The following LGSN variants were observed in gnomAD, a reference collection of about 807,000 sequenced individuals.
LGSN encodes lengsin.
In LGSN, 21 loss-of-function variants were observed where a neutral mutation model predicts 19.5. That is an observed-to-expected ratio of 1.07 (90% CI 0.76 to 1.55). LGSN has a LOEUF of 1.55. Among genes scored for constraint, LGSN ranks in the 40% most tolerant of loss-of-function variants. The pLI is 0.00. For synonymous variants in LGSN, 257 were observed against 215.6 expected, an observed-to-expected ratio of 1.19 and a Z score of -1.68; for missense variants, 673 against 608.5, an observed-to-expected ratio of 1.11 and a Z score of -1.12.
chr6:63,338,149 G>C, the LGSN span, among the ~76,000 whole-genome samples: 4 of 152,114 alleles, frequency 2.6e-5, no homozygotes, highest in Admixed American at 6.5e-5. Flanking sequence ...GTCTCCCAAA[G>C]TTCTGGGATT....
chr6:63,402,803 A>T, the LGSN span, among the ~76,000 whole-genome samples: 3 of 151,472 alleles, frequency 2.0e-5, no homozygotes, highest in African/African-American at 7.3e-5. Flanking sequence ...TTTTTTTAAG[A>T]TGAGATTAAC....
intron 1 of LGSN, among the ~76,000 whole-genome samples, chr6:63,298,487 G>A (rs1768063863): frequency 6.6e-6 from 1 of 152,054 alleles, no homozygotes; most frequent in African/African-American, 2.4e-5. Flanking sequence ...AAATTCACCA[G>A]GATTTTGTGT....
At chr6:63,470,552 A>T in the LGSN span, among the ~76,000 whole-genome samples, 387 of 151,658 alleles carry the variant, frequency 2.6e-3, no homozygotes, top group African/African-American at 8.7e-3. Context: ...TATATTTTTT[A>T]TTTTAACCTG....
At chr6:63,434,957 T>A in the LGSN span, among the ~76,000 whole-genome samples, 30 of 152,196 alleles carry the variant, frequency 2.0e-4, no homozygotes, top group African/African-American at 7.0e-4. Context: ...CCAAAGAAAC[T>A]TTTCTCCTTA....
At chr6:63,573,387 C>T in the LGSN span, 1 of 152,422 alleles carries the variant, frequency 6.6e-6, no homozygotes, top group African/African-American at 2.4e-5. Flanking sequence ...GGGACAGCCA[C>T]TGGGTGCAGC....
At chr6:63,509,596 T>A in the LGSN span, among the ~76,000 whole-genome samples, 2 of 152,326 alleles carry the variant, frequency 1.3e-5, no homozygotes, top group South Asian at 2.1e-4. Flanking sequence ...ATGTATGATA[T>A]AATAATGTGT....
At chr6:63,494,411 A>G in the LGSN span, among the ~76,000 whole-genome samples, 2 of 152,164 alleles carry the variant, frequency 1.3e-5, no homozygotes, top group Admixed American at 6.6e-5. Flanking sequence ...ATATACACAT[A>G]TGCAATAGAG....
the LGSN span, among the ~76,000 whole-genome samples, chr6:63,376,445 T>C: frequency 1.3e-5 from 2 of 152,208 alleles, no homozygotes; most frequent in South Asian, 4.1e-4. Context: ...AGGGTAAAGA[T>C]TGCCTTGATG....
intron 2 of LGSN, 52 bp from the exon 3 acceptor site, chr6:63,285,805 AG>A: frequency 1.1e-5 from 16 of 1,435,540 alleles, no homozygotes; most frequent in Non-Finnish European, 1.5e-5. Context: ...TGGACTGAGA[AG>A]CAAAAGGAGA....
chr6:63,445,604 C>A, the LGSN span, among the ~76,000 whole-genome samples: 4 of 151,944 alleles, frequency 2.6e-5, no homozygotes, highest in Non-Finnish European at 4.4e-5. Context: ...GGTGACAGAA[C>A]AAGACCCTGT....
At chr6:63,563,005 G>T in the LGSN span, among the ~76,000 whole-genome samples, 1 of 152,144 alleles carries the variant, frequency 6.6e-6, no homozygotes, top group Admixed American at 6.5e-5. Flanking sequence ...GGCATTTTGT[G>T]ATGTAAAACT....
the LGSN span, among the ~76,000 whole-genome samples, chr6:63,485,186 C>T: frequency 1.1e-4 from 17 of 152,244 alleles, no homozygotes; most frequent in African/African-American, 3.9e-4. Context: ...TCCCTCCTCC[C>T]ACCCTCTACC....
upstream of LGSN, among the ~76,000 whole-genome samples, chr6:63,322,457 C>T (rs932974059): frequency 8.5e-5 from 13 of 152,098 alleles, no homozygotes. Context: ...AACATAACAA[C>T]CACGACAGAA....
the LGSN span, among the ~76,000 whole-genome samples, chr6:63,473,954 C>A: frequency 6.7e-6 from 1 of 149,380 alleles, no homozygotes; most frequent in Non-Finnish European, 1.5e-5. Flanking sequence ...CATTGGCAGC[C>A]CTCAAGCCAT....
intron 1 of LGSN, among the ~76,000 whole-genome samples, chr6:63,303,341 C>T (rs1486866686): frequency 5.3e-5 from 8 of 152,144 alleles, no homozygotes; most frequent in South Asian, 2.1e-4. Context: ...AATAGCTTAA[C>T]GGTTATCAAG....
rs749320887 is a variant in LGSN at position 63,281,110 on chromosome 6, T to C, written c.441A>G (p.Ile147Met). 4 of 1,613,868 alleles carry C rather than the reference T, an allele frequency of 2.5e-6. No homozygotes were observed. In the South Asian group the frequency reaches 3.3e-5, roughly 13 times the overall value. Residue 147 changes from isoleucine to methionine, a missense_variant, in exon 4 of 4, where the codon ATA (isoleucine) becomes ATG (methionine). Transcript: ENST00000370657. Reference sequence around the variant, plus strand: ...AGGTTGATAACTCTGGCATTAGGACTATGTCGCTATTAAAACATGTGGCTC... The same window carrying C: ...AGGTTGATAACTCTGGCATTAGGACCATGTCGCTATTAAAACATGTGGCTC... ...NIRATCFNSD[I>M]VLMPELSTFR...
chr6:63,305,440 T>C (rs1447655586), intron 1 of LGSN, among the ~76,000 whole-genome samples: 1 of 152,178 alleles, frequency 6.6e-6, no homozygotes, highest in Admixed American at 6.5e-5. Flanking sequence ...CCTCCTTACA[T>C]ATCTTAAGTT....
At chr6:63,296,404 T>C (rs1485191926) in intron 1 of LGSN, among the ~76,000 whole-genome samples, 1 of 151,742 alleles carries the variant, frequency 6.6e-6, no homozygotes, top group Non-Finnish European at 1.5e-5. Context: ...AGCTTTATTG[T>C]ACATGTTCAC....
the LGSN span, among the ~76,000 whole-genome samples, chr6:63,500,473 G>A: frequency 1.3e-5 from 2 of 152,042 alleles, no homozygotes; most frequent in Non-Finnish European, 2.9e-5. Flanking sequence ...CCAGGCTGGA[G>A]TGCAATGGTG....
Sources: gnomAD v4.1 joint callset for allele counts (sites outside exome capture counted in the v4.1 genomes callset) on GRCh38, gnomAD v4.1.1 for gene constraint, MANE v1.5 for transcripts, NCBI Gene and HGNC (gene_info 2026-07-23, HGNC 2026-07-21) for gene names.